MCTP1: variants seen among roughly 807,000 people sequenced by gnomAD.
MCTP1 encodes the protein multiple C2 and transmembrane domain-containing protein 1.
A neutral mutation model predicts 120.6 loss-of-function variants in MCTP1; 69 were observed. The observed-to-expected ratio is 0.57, with a 90% CI of 0.47 to 0.70. The LOEUF is 0.70. Ranked by LOEUF, MCTP1 falls within the 30% of genes least tolerant of loss-of-function variation. The pLI is 0.00. For missense variants in MCTP1, 1,203 were observed against 1,248.8 expected (o/e 0.96, Z 0.55); for synonymous variants, 529 against 493.1 (o/e 1.07, Z -0.96).
At chr5:95,105,619 A>T (rs1757027900) in intron 1 of MCTP1, among the ~76,000 whole-genome samples, 1 of 151,494 alleles carries the variant, frequency 6.6e-6, no homozygotes, top group Non-Finnish European at 1.5e-5. Flanking sequence ...ATTCCAGGAG[A>T]CTCCTCTTGA....
rs185035424 is a variant in MCTP1, at chr5:95,016,819, C to T, written c.838+548G>A. On this transcript the variant is annotated intron_variant, in intron 2 of 22. Transcript: ENST00000515393. ...AGAGATTGCATTGGGATTTGGAATC[C>T]GGGAACTTAAGAGTATTTGCCTTAT... 9.5e-4 allele frequency among the ~76,000 whole-genome samples: 145 copies of T among 152,148 alleles called. No individual in the cohort carries two copies. The Middle Eastern group carries it at 0.02, about 21-fold the overall frequency.
At chr5:94,844,108 GC>G (rs759142883) in intron 17 of MCTP1, among the ~76,000 whole-genome samples, 9 of 151,904 alleles carry the variant, frequency 5.9e-5, no homozygotes, top group Non-Finnish European at 1.2e-4. Context: ...TTCTTGACCA[GC>G]CTGACTAACA....
intron 19 of MCTP1, among the ~76,000 whole-genome samples, chr5:94,754,029 A>T (rs1769146559): frequency 6.6e-6 from 1 of 152,256 alleles, no homozygotes; most frequent in Admixed American, 6.5e-5. Context: ...ATTATAAAAT[A>T]TATCTTATTT....
intron 18 of MCTP1, among the ~76,000 whole-genome samples, chr5:94,787,686 G>GCAAGCT (rs1778041069): frequency 1.3e-5 from 2 of 150,492 alleles, no homozygotes; most frequent in South Asian, 4.2e-4. Context: ...GCGCGATCTC[G>GCAAGCT]GCTCACTGCA....
rs558081169 is a variant in MCTP1 at position 94,730,496 on chromosome 5, T to C, written c.2611-15610A>G. Among the ~76,000 whole-genome samples the C allele has an allele frequency of 2.0e-5, 3 of 152,262 alleles. No individual in the cohort carries two copies. In the South Asian group the frequency reaches 6.2e-4, roughly 32 times the overall value. On this transcript the variant is annotated intron_variant, in intron 19 of 22. Transcript: ENST00000515393. ...AGGGAAGAGTGGAGCAGGAGCAAGC[T>C]TGGGAAAAGGGCAGATGAAGAGTTG...
rs377356506 is a variant in MCTP1 at position 95,202,813 on chromosome 5, C to T, written c.720+81043G>A. Among the ~76,000 whole-genome samples, 22 of 152,138 alleles carry T rather than the reference C, an allele frequency of 1.4e-4. No homozygotes were observed. The East Asian group carries it at 2.9e-3, about 20-fold the overall frequency. On this transcript the variant is annotated intron_variant, in intron 1 of 22. Transcript: ENST00000515393. ...TGTAATCTCAGCTCACTGCAACCACCGCCTCCTGGGCTCAAGAGATTCTCC... is the reference window on the plus strand; with the variant it reads ...TGTAATCTCAGCTCACTGCAACCACTGCCTCCTGGGCTCAAGAGATTCTCC...
At chr5:95,031,812 C>T (rs1409710183) in intron 1 of MCTP1, among the ~76,000 whole-genome samples, 1 of 152,094 alleles carries the variant, frequency 6.6e-6, no homozygotes, top group Non-Finnish European at 1.5e-5. Flanking sequence ...GGGACAACAG[C>T]AACAAAGATC....
chr5:94,917,932 T>C lies in MCTP1; in HGVS notation c.1314A>G (p.Arg438=), dbSNP rs766414554. ...RPALPVLGFC[R]AELQNPYCKN... ...TGCAATAAGGATTCTGAAGCTCTGC[T>C]CTGCAGAAGCCCAGGACAGGAAGAG... Residue 438 remains arginine, a synonymous_variant, in exon 8 of 23, where the codon AGA becomes AGG. Transcript: ENST00000515393. 1 of 1,614,074 alleles carries C rather than the reference T, an allele frequency of 6.2e-7. No homozygotes were observed. The highest frequency in any genetic ancestry group is 1.1e-5 in the South Asian group (1 of 91,080).
chr5:95,253,333 G>C (rs1457418631), intron 1 of MCTP1, among the ~76,000 whole-genome samples: 2 of 152,008 alleles, frequency 1.3e-5, no homozygotes, highest in East Asian at 3.9e-4. Flanking sequence ...ACACTGCCAG[G>C]GGGTGGGACA....
At chr5:94,713,228 A>C (rs949247424) in intron 20 of MCTP1, among the ~76,000 whole-genome samples, 1 of 151,960 alleles carries the variant, frequency 6.6e-6, no homozygotes, top group Non-Finnish European at 1.5e-5. Context: ...TTTTTTTAGC[A>C]TCCAAAAGAT....
rs1754538320 is a variant in MCTP1, at chr5:94,706,199, TGAGTG to T, written c.*1292_*1296del. On this transcript the variant is annotated 3_prime_UTR_variant, in exon 23 of 23. Transcript: ENST00000515393. The stretch of plus-strand genomic sequence containing the variant: ...AAGCATTGTCTGCTGCAATTTCAAC[TGAGTG>T]TAGTCCCCTACCAAGTCAGGGAAGT... The T allele has an allele frequency of 6.6e-6, 1 of 151,670 alleles. No individual in the cohort carries two copies. Among genetic ancestry groups the T allele is most frequent in the Non-Finnish European group, 1.5e-5 (1 of 67,732 alleles). The allele number at this position is 151,670 out of a possible 1,614,324, so 9.4% of individuals were successfully genotyped here. A position where few individuals can be genotyped will look rare whatever the true frequency, so the allele number is the denominator to read the frequency against.
At chr5:95,044,581 T>C (rs1415112696) in intron 1 of MCTP1, among the ~76,000 whole-genome samples, 1 of 152,136 alleles carries the variant, frequency 6.6e-6, no homozygotes, top group Admixed American at 6.6e-5. Flanking sequence ...CAGAGGCAAC[T>C]TAAATTCAAC....
intron 3 of MCTP1, among the ~76,000 whole-genome samples, chr5:94,947,609 GAGAGAGAGAGAGAA>G (rs1330204645): frequency 8.2e-5 from 10 of 122,552 alleles, no homozygotes; most frequent in African/African-American, 2.5e-4. Flanking sequence ...GAGAGAGAGA[GAGAGAGAGAGAGAA>G]AGAGAGACAG....
At chr5:95,177,861 G>C (rs769931764) in intron 1 of MCTP1, among the ~76,000 whole-genome samples, 7 of 152,188 alleles carry the variant, frequency 4.6e-5, no homozygotes, top group Non-Finnish European at 5.9e-5. Context: ...ACTATACCAG[G>C]TGGGATCCCA....
chr5:95,068,254 T>C (rs1010080564), intron 1 of MCTP1, among the ~76,000 whole-genome samples: 1 of 151,974 alleles, frequency 6.6e-6, no homozygotes, highest in African/African-American at 2.4e-5. Flanking sequence ...AAATATCCAA[T>C]GAGAGAAAAT....
At chr5:94,985,848 A>G (rs188703927) in intron 2 of MCTP1, among the ~76,000 whole-genome samples, 57 of 152,288 alleles carry the variant, frequency 3.7e-4, no homozygotes, top group African/African-American at 1.2e-3. Context: ...ATGGATAAAG[A>G]TGGTATAAAT....
Position 95,094,529 on chromosome 5 carries a change from A to T in MCTP1, c.721-77045T>A, listed in dbSNP as rs574325925. 1.2e-4 allele frequency among the ~76,000 whole-genome samples: 18 copies of T among 152,338 alleles called. No individual in the cohort carries two copies. In the South Asian group the frequency reaches 3.3e-3, roughly 28 times the overall value. Reference sequence around the variant, plus strand: ...TTTTTCCCTTTAGGAATCTAAGAGAAAAAAATTTTAAATAACTCATTCATT... The same window carrying T: ...TTTTTCCCTTTAGGAATCTAAGAGATAAAAATTTTAAATAACTCATTCATT... On this transcript the variant is annotated intron_variant, in intron 1 of 22. Transcript: ENST00000515393.
chr5:95,175,759 C>G (rs2152504900), intron 1 of MCTP1, among the ~76,000 whole-genome samples: 1 of 152,304 alleles, frequency 6.6e-6, no homozygotes, highest in South Asian at 2.1e-4. Context: ...GTGTCCTCAG[C>G]ACGGCCCTCA....
intron 1 of MCTP1, among the ~76,000 whole-genome samples, chr5:95,161,255 T>G (rs1249484778): frequency 6.6e-6 from 1 of 152,136 alleles, no homozygotes; most frequent in Non-Finnish European, 1.5e-5. Context: ...AGGATAGTAT[T>G]CGGCCTCATA....
Sources: gnomAD v4.1 joint callset for allele counts (sites outside exome capture counted in the v4.1 genomes callset) on GRCh38, gnomAD v4.1.1 for gene constraint, MANE v1.5 for transcripts, NCBI Gene and HGNC (gene_info 2026-07-23, HGNC 2026-07-21) for gene names.